The following EIF4A2 variants were observed in gnomAD, a reference collection of about 807,000 sequenced individuals.
EIF4A2 encodes the protein eukaryotic translation initiation factor 4A2.
Under a neutral mutation model 50.6 loss-of-function variants are expected in EIF4A2, and 9 were observed. The observed-to-expected ratio is 0.18, with a 90% CI of 0.11 to 0.31. EIF4A2 has a LOEUF of 0.31. EIF4A2 is among the 10% of genes least tolerant of loss of function. The pLI is 1.00. For synonymous variants in EIF4A2, 215 were observed against 164.4 expected (o/e 1.31, Z -2.35); for missense variants, 182 against 501.8 (o/e 0.36, Z 6.09).
At chr3:186,783,990 C>G in intron 1 of EIF4A2, 1 of 421,368 alleles carries the variant, frequency 2.4e-6, no homozygotes, top group Non-Finnish European at 4.3e-6. Context: ...TTCGGTCATC[C>G]ACACGAGTTG....
intron 1 of EIF4A2, 138 bp downstream of exon 1, chr3:186,783,777 A>C (rs1220051363): frequency 7.2e-7 from 1 of 1,393,994 alleles, no homozygotes; most frequent in African/African-American, 1.4e-5. Flanking sequence ...GCCCTTCCAG[A>C]AGCTTCCATG....
Position 186,786,261 on chromosome 3 carries a change from C to T in EIF4A2, c.615C>T (p.Asn205=), listed in dbSNP as rs1579160502. 1.2e-6 allele frequency: 2 copies of T among 1,613,120 alleles called. No homozygotes were observed. Among genetic ancestry groups the T allele is most frequent in the African/African-American group, 2.7e-5 (2 of 74,882 alleles). ...DQIYEIFQKL[N]TSIQVVLLSA... Reference sequence around the variant, plus strand: ...TCTATGAGATTTTCCAAAAACTAAACACAAGTATTCAGGTAAGCATTACTT... The same window carrying T: ...TCTATGAGATTTTCCAAAAACTAAATACAAGTATTCAGGTAAGCATTACTT... Residue 205 remains asparagine, a synonymous_variant, in exon 6 of 11, where the codon AAC becomes AAT. Transcript: ENST00000323963.
At chr3:186,788,173 T>C (rs1721874083) in intron 10 of EIF4A2, 2 of 761,874 alleles carry the variant, frequency 2.6e-6, no homozygotes, top group African/African-American at 1.8e-5. Context: ...GGTGATTTTT[T>C]CTATAGTTGG....
At chr3:186,788,557 A>T in intron 10 of EIF4A2, 1 of 636,928 alleles carries the variant, frequency 1.6e-6, no homozygotes, top group South Asian at 2.5e-5. Flanking sequence ...TCTAACATGC[A>T]GGTAGCTGTT....
intron 7 of EIF4A2, 90 bp from the exon 8 acceptor site, chr3:186,787,037 C>CATT (rs1198461480): frequency 2.0e-6 from 3 of 1,507,676 alleles, no homozygotes; most frequent in Non-Finnish European, 2.7e-6. Context: ...GGATTACAGG[C>CATT]ATTAGCACTG....
chr3:186,785,800 C>T, intron 4 of EIF4A2, 83 bp from the exon 5 acceptor site: 2 of 1,505,092 alleles, frequency 1.3e-6, no homozygotes, highest in African/African-American at 1.4e-5. Flanking sequence ...GTTGGCAGAC[C>T]AGATTATATT....
chr3:186,787,799 T>C lies in EIF4A2; in HGVS notation c.1000-4T>C, dbSNP rs768431636. The C allele has an allele frequency of 1.1e-5, 18 of 1,613,902 alleles. No individual in the cohort carries two copies. Among genetic ancestry groups the C allele is most frequent in the Middle Eastern group, 1.6e-4 (1 of 6,082 alleles). On this transcript the variant is annotated splice_polypyrimidine_tract_variant and splice_region_variant and intron_variant, in intron 9 of 10. Coordinates refer to ENST00000323963, the MANE Select transcript of EIF4A2 (RefSeq NM_001967.4). ...AATTTTTAAAACATGCCATTGTGTT[T>C]CAGGCTCGCGGGATTGATGTGCAAC...
At chr3:186,785,460 C>T (rs904879634) in intron 4 of EIF4A2, 14 of 327,302 alleles carry the variant, frequency 4.3e-5, no homozygotes, top group Non-Finnish European at 7.4e-5. Context: ...TCAAAGCTCA[C>T]TGCTATATTG....
At chr3:186,789,078 T>TTATACA in intron 10 of EIF4A2, 47 bp from the exon 11 acceptor site, 1 of 1,597,208 alleles carries the variant, frequency 6.3e-7, no homozygotes, top group South Asian at 1.1e-5. Flanking sequence ...GTTCAGTAGT[T>TTATACA]TATACATTAT....
chr3:186,789,821 A>T lies in EIF4A2; in HGVS notation c.*552A>T. 1.6e-6 allele frequency: 1 copy of T among 630,200 alleles called. No homozygotes were observed. The highest frequency in any genetic ancestry group is 2.8e-6 in the Non-Finnish European group (1 of 362,152). The allele number at this position is 630,200 out of a possible 1,614,324, so 39.0% of individuals were successfully genotyped here. On this transcript the variant is annotated 3_prime_UTR_variant, in exon 11 of 11. Coordinates refer to ENST00000323963, the MANE Select transcript of EIF4A2 (RefSeq NM_001967.4). ...CAGCAAGCAATCCTAGGTAGGGTTT[A>T]ATCCCCAGTAAAATTGCCATATTGC...
rs75837460 is a variant in EIF4A2, at chr3:186,787,124, C to T, written c.772-3C>T. 0.01 allele frequency: 16,353 copies of T among 1,613,250 alleles called. 305 individuals are homozygous for T. Among genetic ancestry groups the T allele is most frequent in the East Asian group, 0.081 (3,647 of 44,886 alleles). On this transcript the variant is annotated splice_polypyrimidine_tract_variant and splice_region_variant and intron_variant, in intron 7 of 10. Coordinates refer to ENST00000323963, the MANE Select transcript of EIF4A2 (RefSeq NM_001967.4). Reference sequence around the variant, plus strand: ...TGTTAACTTTAACTTCTAAACATTACAGGAATGGAAGTTGGATACACTTTG... The same window carrying T: ...TGTTAACTTTAACTTCTAAACATTATAGGAATGGAAGTTGGATACACTTTG...
Position 186,786,574 on chromosome 3 carries a change from C to G in EIF4A2, c.700C>G (p.Arg234Gly). ...CAAAAAATTCATGAGAGATCCAATT[C>G]GAATTCTGGTGAAAAAGGAAGAATT... Reference protein sequence around the residue: ...VTKKFMRDPIRILVKKEELTL... With the variant: ...VTKKFMRDPIGILVKKEELTL... The change falls in exon 7 of 11, where the codon CGA becomes GGA. Residue 234 changes from arginine to glycine, a missense_variant. By Grantham distance (125) the Arg-to-Gly change is moderately radical. Around this residue, in one of 7 missense-constraint regions of EIF4A2, gnomAD observed 113 missense variants for 357.3 expected, o/e 0.32. Transcript: ENST00000323963. The G allele has an allele frequency of 6.2e-7, 1 of 1,613,718 alleles. No individual in the cohort carries two copies. The highest frequency in any genetic ancestry group is 8.5e-7 in the Non-Finnish European group (1 of 1,179,962).
At chr3:186,785,283 T>G (rs1721625217) in intron 4 of EIF4A2, 182 bp downstream of exon 4, 1 of 788,248 alleles carries the variant, frequency 1.3e-6, no homozygotes, top group African/African-American at 1.7e-5. Context: ...GTATGGTTTG[T>G]AGGGTTGTAT....
chr3:186,784,268 A>C (rs1372172366), intron 1 of EIF4A2, 164 bp from the exon 2 acceptor site: 2 of 1,036,420 alleles, frequency 1.9e-6, no homozygotes, highest in African/African-American at 1.6e-5. Context: ...CGCAGGCCCC[A>C]ACCTTTAGGG....
Position 186,784,468 on chromosome 3 carries a change from T to G in EIF4A2, c.66T>G (p.Gly22=), listed in dbSNP as rs1579155926. The change falls in exon 2 of 11, where the codon GGT becomes GGG. Residue 22 remains glycine, a synonymous_variant. Transcript: ENST00000323963. ...GCCCAGAGGGAATGGACCCCGATGG[T>G]GTCATCGAGGTAAGAAACGGTTGTG... ...HGGPEGMDPD[G]VIESNWNEIV... The G allele has an allele frequency of 6.2e-7, 1 of 1,614,208 alleles. No homozygotes were observed. Among genetic ancestry groups the G allele is most frequent in the Non-Finnish European group, 8.5e-7 (1 of 1,180,042 alleles).
chr3:186,787,903 C>T (rs926047576), intron 10 of EIF4A2, 21 bp downstream of exon 10: 1 of 1,611,036 alleles, frequency 6.2e-7, no homozygotes, highest in Non-Finnish European at 8.5e-7. Context: ...AGCATCTTGG[C>T]TGTATTGAAA....
intron 9 of EIF4A2, 86 bp from the exon 10 acceptor site, chr3:186,787,717 A>T (rs368385868): frequency 2.5e-6 from 4 of 1,570,564 alleles, no homozygotes; most frequent in Non-Finnish European, 3.5e-6. Context: ...TATACCACTT[A>T]GTATAGTTCG....
rs773029428 is a variant in EIF4A2 at position 186,784,845 on chromosome 3, A to G, written c.209-117A>G. 3.8e-6 allele frequency: 6 copies of G among 1,597,188 alleles called. No individual in the cohort carries two copies. In the Admixed American group the frequency reaches 8.3e-5, roughly 22 times the overall value. Reference sequence around the variant, plus strand: ...TCGGGACTGACCTGAAATGAAGAGAATACTCATTGCTGATCACTTGATTAT... The same window carrying G: ...TCGGGACTGACCTGAAATGAAGAGAGTACTCATTGCTGATCACTTGATTAT... On this transcript the variant is annotated intron_variant, in intron 3 of 10. Transcript: ENST00000323963.
At chr3:186,787,459 CTGG>C in intron 8 of EIF4A2, 33 bp from the exon 9 acceptor site, 1 of 1,611,826 alleles carries the variant, frequency 6.2e-7, no homozygotes. Context: ...ACCGACCTGA[CTGG>C]TGATTCTTGA....
Sources: gnomAD v4.1 joint callset for allele counts on GRCh38, gnomAD v4.1.1 for gene constraint, gnomAD v4.1.1 regional missense constraint, MANE v1.5 for transcripts, NCBI Gene and HGNC (gene_info 2026-07-23, HGNC 2026-07-21) for gene names.